Variants in SYN2 observed in about 807,000 individuals in gnomAD.
SYN2 encodes synapsin-2.
A neutral mutation model predicts 50.9 loss-of-function variants in SYN2; 19 were observed. That is an observed-to-expected ratio of 0.37 (90% CI 0.26 to 0.55). SYN2 has a LOEUF of 0.55. Among genes scored for constraint, SYN2 ranks in the 20% least tolerant of loss-of-function variants. The probability of loss-of-function intolerance (pLI) is 0.81; values close to 1 mark genes in which losing one functional copy is unlikely to be tolerated. For missense variants in SYN2, 587 were observed against 576.4 expected, an observed-to-expected ratio of 1.02 and a Z score of -0.19; for synonymous variants, 255 against 224.9, an observed-to-expected ratio of 1.13 and a Z score of -1.20.
chr3:12,140,044 T>C, intron 1 of SYN2, among the ~76,000 whole-genome samples: 1 of 152,248 alleles, frequency 6.6e-6, no homozygotes, highest in East Asian at 1.9e-4. Flanking sequence ...AAATGTGGGC[T>C]AAGTTTTGTG....
At chr3:12,175,647 C>T (rs958137882) in intron 10 of SYN2, among the ~76,000 whole-genome samples, 8 of 152,210 alleles carry the variant, frequency 5.3e-5, no homozygotes. Flanking sequence ...CTTAGCTCCA[C>T]CATGAGTGCT....
intron 1 of SYN2, among the ~76,000 whole-genome samples, chr3:12,008,849 G>A (rs547963169): frequency 6.6e-6 from 1 of 152,338 alleles, no homozygotes; most frequent in Admixed American, 6.5e-5. Context: ...TCTCAGTCCA[G>A]ACAGTGGATA....
chr3:12,076,537 C>G (rs1695471357), intron 1 of SYN2, among the ~76,000 whole-genome samples: 1 of 151,396 alleles, frequency 6.6e-6, no homozygotes, highest in Non-Finnish European at 1.5e-5. Flanking sequence ...AACATGATGA[C>G]CATGGGAAGT....
At chr3:12,078,026 G>C (rs997388419) in intron 1 of SYN2, among the ~76,000 whole-genome samples, 1 of 152,200 alleles carries the variant, frequency 6.6e-6, no homozygotes, top group Non-Finnish European at 1.5e-5. Flanking sequence ...ACTGGTGTGA[G>C]ATGGTATCTC....
chr3:12,148,184 G>A (rs568653802), intron 4 of SYN2, among the ~76,000 whole-genome samples: 4 of 152,160 alleles, frequency 2.6e-5, no homozygotes, highest in African/African-American at 9.7e-5. Context: ...CAGGAAGAAT[G>A]GGGAGAGCCT....
intron 1 of SYN2, chr3:12,070,253 T>G: frequency 2.2e-6 from 1 of 461,032 alleles, no homozygotes; most frequent in Non-Finnish European, 4.3e-6. Context: ...ATGCTGGTCA[T>G]TGACAGTGTC....
intron 10 of SYN2, among the ~76,000 whole-genome samples, chr3:12,181,301 C>T (rs1344991722): frequency 6.6e-6 from 1 of 152,148 alleles, no homozygotes; most frequent in African/African-American, 2.4e-5. Context: ...GGCATGAGGC[C>T]CTGGGGGAGA....
intron 1 of SYN2, among the ~76,000 whole-genome samples, chr3:12,024,831 T>C (rs1209495745): frequency 6.6e-6 from 1 of 152,186 alleles, no homozygotes; most frequent in African/African-American, 2.4e-5. Context: ...TTATAGGGCA[T>C]ATGTATATTC....
At chr3:12,174,479 C>T (rs1338847468) in intron 10 of SYN2, among the ~76,000 whole-genome samples, 1 of 152,044 alleles carries the variant, frequency 6.6e-6, no homozygotes, top group Non-Finnish European at 1.5e-5. Flanking sequence ...AATGCTCTTT[C>T]TTCTTAGTTT....
chr3:12,010,895 C>G (rs1212840781), intron 1 of SYN2, among the ~76,000 whole-genome samples: 1 of 152,164 alleles, frequency 6.6e-6, no homozygotes, highest in Non-Finnish European at 1.5e-5. Context: ...AGAGGCTAAT[C>G]CTGTGATGCC....
At chr3:12,171,789 C>G (rs78253867) in intron 10 of SYN2, among the ~76,000 whole-genome samples, 2,142 of 152,202 alleles carry the variant, frequency 0.014, 50 homozygotes, top group African/African-American at 0.049. Context: ...GCAAGACAAT[C>G]CATATTATAC....
At chr3:12,049,349 C>G (rs575432525) in intron 1 of SYN2, among the ~76,000 whole-genome samples, 61 of 151,880 alleles carry the variant, frequency 4.0e-4, no homozygotes, top group African/African-American at 1.4e-3. Context: ...TGAAACTCGT[C>G]TCTACTAAAA....
intron 10 of SYN2, among the ~76,000 whole-genome samples, chr3:12,173,276 C>G (rs1574885213): frequency 6.6e-6 from 1 of 152,178 alleles, no homozygotes; most frequent in Admixed American, 6.5e-5. Flanking sequence ...GATAATAGCA[C>G]ATTTTCTTTG....
At chr3:12,044,775 T>G (rs1694699508) in intron 1 of SYN2, among the ~76,000 whole-genome samples, 1 of 152,208 alleles carries the variant, frequency 6.6e-6, no homozygotes, top group Non-Finnish European at 1.5e-5. Context: ...GGTTTTTTAT[T>G]GTGCTCTATG....
chr3:12,142,690 G>T (rs990077693), intron 3 of SYN2, among the ~76,000 whole-genome samples: 1 of 152,230 alleles, frequency 6.6e-6, no homozygotes, highest in African/African-American at 2.4e-5. Context: ...AAGTGGCGGA[G>T]CTGGGAGAGG....
At chr3:12,100,926 G>A (rs1000476575) in intron 1 of SYN2, among the ~76,000 whole-genome samples, 4 of 152,050 alleles carry the variant, frequency 2.6e-5, no homozygotes, top group Admixed American at 1.3e-4. Context: ...AAACCACTAC[G>A]AGATACTATT....
intron 1 of SYN2, among the ~76,000 whole-genome samples, chr3:12,069,337 C>T (rs981795639): frequency 1.3e-5 from 2 of 151,904 alleles, no homozygotes; most frequent in African/African-American, 4.8e-5. Context: ...CAACCTCCGC[C>T]TCCCGGGTTC....
chr3:12,105,747 C>T (rs1013667769), intron 1 of SYN2, among the ~76,000 whole-genome samples: 2 of 152,150 alleles, frequency 1.3e-5, no homozygotes, highest in East Asian at 1.9e-4. Flanking sequence ...TCTCAATTCA[C>T]GGCAAGGTCT....
In SYN2 at chr3:12,190,759, A is replaced by G; in HGVS notation, c.*134A>G. 2.8e-6 allele frequency: 4 copies of G among 1,440,900 alleles called. No homozygotes were observed. The highest frequency in any genetic ancestry group is 1.6e-5 in the South Asian group (1 of 64,118). 89.3% of individuals were successfully genotyped at this position (1,440,900 alleles called of 1,614,324 possible). The stretch of plus-strand genomic sequence containing the variant: ...GTCCCTTCCTCTGCTCTGTTGTACT[A>G]AGTGATGTTGTGCAGCCCAGAAAGG... On this transcript the variant is annotated 3_prime_UTR_variant, in exon 13 of 13. Coordinates refer to ENST00000621198, the MANE Select transcript of SYN2 (RefSeq NM_133625.6).
Sources: gnomAD v4.1 joint callset for allele counts (sites outside exome capture counted in the v4.1 genomes callset) on GRCh38, gnomAD v4.1.1 for gene constraint, MANE v1.5 for transcripts, NCBI Gene and HGNC (gene_info 2026-07-23, HGNC 2026-07-21) for gene names.